ENDOG: variants seen among roughly 807,000 people sequenced by gnomAD.
The protein encoded by ENDOG is endonuclease G, mitochondrial.
ENDOG carries 22 observed loss-of-function variants against 22.6 expected under a neutral mutation model. The ratio of observed to expected loss-of-function variants is 0.97; its 90% confidence interval spans 0.70 to 1.39. ENDOG has a LOEUF of 1.39. Among genes scored for constraint, ENDOG ranks in the 40% most tolerant of loss-of-function variants. The pLI, the probability that ENDOG is intolerant of heterozygous loss-of-function variation, is 0.00. For missense variants in ENDOG, 403 were observed against 431.3 expected, an observed-to-expected ratio of 0.93 and a Z score of 0.58; for synonymous variants, 173 against 200.2, an observed-to-expected ratio of 0.86 and a Z score of 1.15.
At chr9:128,820,496 G>A (rs558654476) in intron 1 of ENDOG, 15 of 506,206 alleles carry the variant, frequency 3.0e-5, no homozygotes, top group East Asian at 2.6e-4. Flanking sequence ...TCCTTCATTC[G>A]ACTCTTGGGA....
At chr9:128,820,500 C>A in intron 1 of ENDOG, 1 of 531,046 alleles carries the variant, frequency 1.9e-6, no homozygotes, top group Non-Finnish European at 3.4e-6. Context: ...TCATTCGACT[C>A]TTGGGAGCTG....
At position 128,822,574 on chromosome 9, in the gene ENDOG, A is replaced by G. The variant is rs1266066424; in HGVS notation, c.858A>G (p.Ala286=). Residue 286 remains alanine (A), a synonymous_variant, in exon 3 of 3, where the codon GCA becomes GCG. Coordinates refer to ENST00000372642, the MANE Select transcript of ENDOG (RefSeq NM_004435.2). ...TTGTGCCAAACATCCTGGCGCGGGC[A>G]GGCAGCCTCAAGGCCATCACGGCGG... is the stretch of plus-strand genomic sequence containing the variant. ...LLFVPNILAR[A]GSLKAITAGS... is the part of the protein sequence containing the mutation. The G allele has an allele frequency of 6.4e-6, 10 of 1,567,940 alleles. 1 individual carries two copies. In the South Asian group the frequency reaches 1.2e-4, roughly 18 times the overall value.
In ENDOG at chr9:128,818,975, GC is replaced by G; in HGVS notation, c.292del (p.Gln98SerfsTer64). 6.7e-7 allele frequency: 1 copy of G among 1,493,228 alleles called. No homozygotes were observed. Among genetic ancestry groups the G allele is most frequent in the Non-Finnish European group, 8.9e-7 (1 of 1,129,582 alleles). The allele number at this position is 1,493,228 out of a possible 1,614,324, so 92.5% of individuals were successfully genotyped here. ...CCCGCGGCGCGCTCTGGGTGGTGGA[GC>G]AGCTGCGACCCGAGCGTCTCCGCGG... ...RTRGALWVVEQLRPERLRGDG... is the reference protein window; with the variant it reads ...RTRGALWVVEXLRPERLRGDG... On this transcript the variant is annotated frameshift_variant, in exon 1 of 3. Coordinates refer to ENST00000372642, the MANE Select transcript of ENDOG (RefSeq NM_004435.2). LOFTEE classifies it high-confidence loss of function.
chr9:128,820,837 C>T lies in ENDOG; in HGVS notation c.600C>T (p.Leu200=). ...ACGTCTATGTCTGCACAGGGCCACT[C>T]TTCCTGCCCAGGTAAGGTGGAAACC... ...YQNVYVCTGP[L]FLPRTEADGK... The change falls in exon 2 of 3, where the codon CTC becomes CTT. Residue 200 remains leucine, a synonymous_variant. Coordinates refer to ENST00000372642, the MANE Select transcript of ENDOG (RefSeq NM_004435.2). The T allele has an allele frequency of 6.2e-7, 1 of 1,609,082 alleles. No homozygotes were observed. The highest frequency in any genetic ancestry group is 1.3e-5 in the African/African-American group (1 of 74,942).
In ENDOG at chr9:128,822,414, T is replaced by C; in HGVS notation, c.698T>C (p.Leu233Pro). ...GTGCCCACACACTTCTTCAAGGTGCTGATCCTGGAGGCAGCAGGTGGGCAA... is the reference window on the plus strand; with the variant it reads ...GTGCCCACACACTTCTTCAAGGTGCCGATCCTGGAGGCAGCAGGTGGGCAA... ...VAVPTHFFKV[L>P]ILEAAGGQIE... The change falls in exon 3 of 3, where the codon CTG becomes CCG. Residue 233 changes from leucine (L) to proline (P), a missense_variant. Leu to Pro is a moderately conservative substitution (Grantham distance 98). Coordinates refer to ENST00000372642, the MANE Select transcript of ENDOG (RefSeq NM_004435.2). 6.2e-7 allele frequency: 1 copy of C among 1,610,106 alleles called. No homozygotes were observed. Among genetic ancestry groups the C allele is most frequent in the Non-Finnish European group, 8.5e-7 (1 of 1,178,252 alleles).
At position 128,819,115 on chromosome 9, in the gene ENDOG, C is replaced by G. The variant is rs750916501; in HGVS notation, c.431C>G (p.Ala144Gly). 6.6e-7 allele frequency: 1 copy of G among 1,519,814 alleles called. No individual in the cohort carries two copies. Among genetic ancestry groups the G allele is most frequent in the South Asian group, 1.2e-5 (1 of 82,448 alleles). The allele number at this position is 1,519,814 out of a possible 1,614,324, so 94.1% of individuals were successfully genotyped here. A position where few individuals can be genotyped will look rare whatever the true frequency, so the allele number is the denominator to read the frequency against. The change falls in exon 1 of 3, where the codon GCC becomes GGC. Residue 144 changes from alanine to glycine, a missense_variant. Physicochemically the swap from Ala to Gly is moderately conservative, Grantham distance 60. Transcript: ENST00000372642. ...GSGFDRGHLA[A>G]AANHRWSQKA... ...GGCTTCGACCGCGGTCACCTGGCCG[C>G]CGCCGCCAACCACCGCTGGAGCCAG...
chr9:128,818,921 G>A lies in ENDOG; in HGVS notation c.237G>A (p.Glu79=), dbSNP rs1395577120. ...GGCTGGCGCAGCTCAAGAGCCGCGA[G>A]TCGTACGTGCTGTGCTACGACCCGC... ...LPGLAQLKSR[E]SYVLCYDPRT... is the part of the protein sequence containing the mutation. Residue 79 remains glutamate (E), a synonymous_variant, in exon 1 of 3, where the codon GAG becomes GAA. Transcript: ENST00000372642. 1 of 1,480,520 alleles carries A rather than the reference G, an allele frequency of 6.8e-7. No individual in the cohort carries two copies. The highest frequency in any genetic ancestry group is 1.5e-5 in the African/African-American group (1 of 68,390). 91.7% of individuals were successfully genotyped at this position (1,480,520 alleles called of 1,614,324 possible).
At position 128,818,574 on chromosome 9, in the gene ENDOG, G is replaced by C. The variant is rs1413331859; in HGVS notation, c.-111G>C. ...CTTGGCAGTGTTTGTGAGTGGAAGG[G>C]AGGTCACGCTATCGTCCGCGGCCCC... On this transcript the variant is annotated 5_prime_UTR_variant, in exon 1 of 3. Coordinates refer to ENST00000372642, the MANE Select transcript of ENDOG (RefSeq NM_004435.2). The C allele has an allele frequency of 5.8e-6, 6 of 1,031,018 alleles. No homozygotes were observed. The highest frequency in any genetic ancestry group is 5.5e-5 in the Admixed American group (1 of 18,204). 63.9% of individuals were successfully genotyped at this position (1,031,018 alleles called of 1,614,324 possible).
intron 2 of ENDOG, 159 bp from the exon 3 acceptor site, chr9:128,822,169 C>T (rs764522654): frequency 3.7e-6 from 3 of 817,928 alleles, no homozygotes; most frequent in Non-Finnish European, 3.7e-6. Context: ...AGAGTTCCAG[C>T]CTCAAGGAGG....
At chr9:128,820,937 G>A (rs1342684517) in intron 2 of ENDOG, 89 bp downstream of exon 2, 2 of 1,208,136 alleles carry the variant, frequency 1.7e-6, no homozygotes, top group African/African-American at 3.0e-5. Flanking sequence ...CCCAGGCTCT[G>A]GGTCAATACC....
intron 2 of ENDOG, 125 bp downstream of exon 2, chr9:128,820,973 G>A: frequency 1.2e-6 from 1 of 849,460 alleles, no homozygotes; most frequent in Non-Finnish European, 1.8e-6. Context: ...TGGTTTCTTG[G>A]CAAGCCTGTC....
At chr9:128,822,249 A>T in intron 2 of ENDOG, 79 bp from the exon 3 acceptor site, 5 of 1,539,474 alleles carry the variant, frequency 3.2e-6, no homozygotes, top group Non-Finnish European at 4.4e-6. Flanking sequence ...TAGAGGACAG[A>T]TCAGGGAAGG....
In ENDOG at chr9:128,819,018, G is replaced by A. The variant is rs775118344; in HGVS notation, c.334G>A (p.Glu112Lys). ...ERLRGDGDRRECDFREDDSVH... is the reference protein window; with the variant it reads ...ERLRGDGDRRKCDFREDDSVH... ...TCTCCGCGGCGACGGCGACCGGCGC[G>A]AGTGCGACTTCCGCGAGGACGACTC... is the stretch of plus-strand genomic sequence containing the variant. The change falls in exon 1 of 3, where the codon GAG becomes AAG. Residue 112 changes from glutamate to lysine, a missense_variant. Glu to Lys is a moderately conservative substitution (Grantham distance 56). Coordinates refer to ENST00000372642, the MANE Select transcript of ENDOG (RefSeq NM_004435.2). 1.3e-6 allele frequency: 2 copies of A among 1,491,010 alleles called. No individual in the cohort carries two copies. Among genetic ancestry groups the A allele is most frequent in the Non-Finnish European group, 8.9e-7 (1 of 1,128,162 alleles). The allele number at this position is 1,491,010 out of a possible 1,614,324, so 92.4% of individuals were successfully genotyped here.
rs556705072 is a variant in ENDOG, at chr9:128,820,814, G to A, written c.577G>A (p.Val193Ile). 9.9e-6 allele frequency: 16 copies of A among 1,611,884 alleles called. No individual in the cohort carries two copies. Among genetic ancestry groups the A allele is most frequent in the South Asian group, 6.6e-5 (6 of 90,526 alleles). ...SRSLTRSYQN[V>I]YVCTGPLFLP... ...CAGCTTGACCCGCAGCTACCAAAACGTCTATGTCTGCACAGGGCCACTCTT... is the reference window on the plus strand; with the variant it reads ...CAGCTTGACCCGCAGCTACCAAAACATCTATGTCTGCACAGGGCCACTCTT... Residue 193 changes from valine (V) to isoleucine (I), a missense_variant, in exon 2 of 3, where the codon GTC (valine) becomes ATC (isoleucine). Transcript: ENST00000372642.
chr9:128,822,037 C>T, intron 2 of ENDOG: 1 of 453,800 alleles, frequency 2.2e-6, no homozygotes, highest in Non-Finnish European at 4.1e-6. Context: ...TTAAGTCTCC[C>T]CTCAGACGAA....
At position 128,820,957 on chromosome 9, in the gene ENDOG, C is replaced by G. The variant is rs1218406698; in HGVS notation, c.611+109C>G. The G allele has an allele frequency of 3.2e-5, 31 of 972,898 alleles. No individual in the cohort carries two copies. In the Admixed American group the frequency reaches 6.3e-4, roughly 20 times the overall value. 60.3% of individuals were successfully genotyped at this position (972,898 alleles called of 1,614,324 possible). A position where few individuals can be genotyped will look rare whatever the true frequency, so the allele number is the denominator to read the frequency against. On this transcript the variant is annotated intron_variant, in intron 2 of 2. Transcript: ENST00000372642. Reference sequence around the variant, plus strand: ...GCTCTGGGTCAATACCAGTTCCCTACTCATCTGGTTTCTTGGCAAGCCTGT... The same window carrying G: ...GCTCTGGGTCAATACCAGTTCCCTAGTCATCTGGTTTCTTGGCAAGCCTGT...
chr9:128,818,987 C>G lies in ENDOG; in HGVS notation c.303C>G (p.Pro101=). Residue 101 remains proline, a synonymous_variant, in exon 1 of 3, where the codon CCC becomes CCG. Transcript: ENST00000372642. ...TCTGGGTGGTGGAGCAGCTGCGACC[C>G]GAGCGTCTCCGCGGCGACGGCGACC... ...GALWVVEQLR[P]ERLRGDGDRR... 1 of 1,487,244 alleles carries G rather than the reference C, an allele frequency of 6.7e-7. No homozygotes were observed. The highest frequency in any genetic ancestry group is 8.9e-7 in the Non-Finnish European group (1 of 1,126,476). The allele number at this position is 1,487,244 out of a possible 1,614,324, so 92.1% of individuals were successfully genotyped here. A position where few individuals can be genotyped will look rare whatever the true frequency, so the allele number is the denominator to read the frequency against.
chr9:128,818,786 G>A lies in ENDOG; in HGVS notation c.102G>A (p.Pro34=), dbSNP rs1377655505. 5.8e-6 allele frequency: 7 copies of A among 1,203,644 alleles called. No homozygotes were observed. The highest frequency in any genetic ancestry group is 3.3e-4 in the Middle Eastern group (1 of 3,052). 74.6% of individuals were successfully genotyped at this position (1,203,644 alleles called of 1,614,324 possible). A position where few individuals can be genotyped will look rare whatever the true frequency, so the allele number is the denominator to read the frequency against. ...RRRREDARAA[P]GLLGRLPVLP... is the part of the protein sequence containing the mutation. ...GGCGGGAGGACGCGCGGGCGGCGCC[G>A]GGACTGCTGGGCCGGCTGCCCGTGC... The change falls in exon 1 of 3, where the codon CCG becomes CCA. Residue 34 remains proline, a synonymous_variant. Transcript: ENST00000372642.
intron 1 of ENDOG, chr9:128,819,581 G>A (rs1057072067): frequency 5.0e-6 from 1 of 198,252 alleles, no homozygotes; most frequent in African/African-American, 2.3e-5. Flanking sequence ...GCACCAGGGT[G>A]CGGTTTCGTG....
Sources: gnomAD v4.1 joint callset for allele counts on GRCh38, gnomAD v4.1.1 for gene constraint, MANE v1.5 for transcripts, NCBI Gene and HGNC (gene_info 2026-07-23, HGNC 2026-07-21) for gene names.